AK9: variants seen among roughly 807,000 people sequenced by gnomAD.
The protein encoded by AK9 is adenylate kinase domain containing 1.
AK9 carries 191 observed loss-of-function variants against 239.6 expected under a neutral mutation model. The ratio of observed to expected loss-of-function variants is 0.80; its 90% CI spans 0.71 to 0.90. The LOEUF (loss-of-function observed/expected upper bound fraction) is 0.90. Among genes scored for constraint, AK9 ranks in the 40% least tolerant of loss-of-function variants. The probability of loss-of-function intolerance (pLI) is 0.00; values close to 1 mark genes in which losing one functional copy is unlikely to be tolerated. For synonymous variants in AK9, 689 were observed against 721.0 expected, an observed-to-expected ratio of 0.96 and a Z score of 0.71; for missense variants, 1,995 against 2,214.7, an observed-to-expected ratio of 0.90 and a Z score of 1.99.
intron 8 of AK9, among the ~76,000 whole-genome samples, chr6:109,646,600 A>C (rs1289094387): frequency 6.6e-6 from 1 of 152,250 alleles, no homozygotes; most frequent in Non-Finnish European, 1.5e-5. Flanking sequence ...GAAAAGACCA[A>C]ACCTAAGTTT....
intron 29 of AK9, among the ~76,000 whole-genome samples, chr6:109,523,592 G>C (rs969189998): frequency 1.3e-5 from 2 of 152,150 alleles, no homozygotes; most frequent in Non-Finnish European, 2.9e-5. Flanking sequence ...TTTGCCGAGA[G>C]GGCAGTTTCA....
rs1381626248 is a variant in AK9, at chr6:109,564,158, A to C, written c.2557T>G (p.Tyr853Asp). 1.9e-6 allele frequency: 3 copies of C among 1,551,344 alleles called. No homozygotes were observed. The highest frequency in any genetic ancestry group is 2.6e-6 in the Non-Finnish European group (3 of 1,146,890). The change falls in exon 23 of 41, where the codon TAC becomes GAC. Residue 853 changes from tyrosine to aspartate, a missense_variant. Physicochemically the swap from Tyr to Asp is radical, Grantham distance 160 (BLOSUM62 -3). Coordinates refer to ENST00000424296, the MANE Select transcript of AK9 (RefSeq NM_001145128.3). The stretch of plus-strand genomic sequence containing the variant: ...ATCTCCAAGTTTAAAATTTTAATGT[A>C]AGCCTCACTAATTGTTGCTTCTAGC... ...KQLEATISEA[Y>D]IKILNLEIAD...
In AK9 at chr6:109,515,925, G is replaced by A. The variant is rs550373035; in HGVS notation, c.3997C>T (p.Leu1333Phe). 12 of 1,551,808 alleles carry A rather than the reference G, an allele frequency of 7.7e-6. No homozygotes were observed. In the African/African-American group the frequency reaches 1.6e-4, roughly 21 times the overall value. ...GTAAAGGTGAGCATTTTCTGGGCAA[G>A]GGGTGCTGGTATTGGATGACATTTC... ...FEKCHPIPAP[L>F]AQKMLTFTYK... The change falls in exon 31 of 41, where the codon CTT becomes TTT. Residue 1333 changes from leucine (L) to phenylalanine (F), a missense_variant. Leu to Phe is a conservative substitution (Grantham distance 22). Transcript: ENST00000424296.
At chr6:109,648,267 C>G (rs1288091973) in intron 8 of AK9, among the ~76,000 whole-genome samples, 1 of 151,800 alleles carries the variant, frequency 6.6e-6, no homozygotes, top group Admixed American at 6.6e-5. Flanking sequence ...AATAGAGACA[C>G]AAAAAAATCC....
rs756359910 is a variant in AK9 at position 109,542,031 on chromosome 6, A to G, written c.3350+16T>C. ...TAAAAGCAAATAAATGTACAATTCTATATAAATTAAGATACCGTATTGGTT... is the reference window on the plus strand; with the variant it reads ...TAAAAGCAAATAAATGTACAATTCTGTATAAATTAAGATACCGTATTGGTT... On this transcript the variant is annotated intron_variant, in intron 27 of 40. Transcript: ENST00000424296. 1.9e-6 allele frequency: 3 copies of G among 1,540,718 alleles called. No homozygotes were observed. Among genetic ancestry groups the G allele is most frequent in the Admixed American group, 2.1e-5 (1 of 47,530 alleles).
chr6:109,545,234 A>AT (rs1783395616), intron 26 of AK9, among the ~76,000 whole-genome samples: 1 of 152,072 alleles, frequency 6.6e-6, no homozygotes, highest in Non-Finnish European at 1.5e-5. Context: ...GAGCCCAGGA[A>AT]TTTGAGACCA....
intron 6 of AK9, among the ~76,000 whole-genome samples, chr6:109,660,320 T>A (rs182241832): frequency 6.6e-6 from 1 of 152,328 alleles, no homozygotes; most frequent in Admixed American, 6.5e-5. Context: ...CATGTAACTC[T>A]ATCTGAGGAG....
chr6:109,659,165 T>A, intron 7 of AK9, 63 bp downstream of exon 7: 1 of 1,429,616 alleles, frequency 7.0e-7, no homozygotes, highest in Non-Finnish European at 9.2e-7. Context: ...TATACCATCA[T>A]TTACCTTAAT....
Position 109,634,003 on chromosome 6 carries a change from G to A in AK9, c.934-680C>T, listed in dbSNP as rs138705176. On this transcript the variant is annotated intron_variant, in intron 10 of 40. Coordinates refer to ENST00000424296, the MANE Select transcript of AK9 (RefSeq NM_001145128.3). Reference sequence around the variant, plus strand: ...TTGCTTGAAAGGTTCATCTGTCCTTGTGGTTCCTTACCAGGGGATGAGAAA... The same window carrying A: ...TTGCTTGAAAGGTTCATCTGTCCTTATGGTTCCTTACCAGGGGATGAGAAA... 5.2e-4 allele frequency among the ~76,000 whole-genome samples: 79 copies of A among 152,226 alleles called. 1 individual carries two copies. In the East Asian group the frequency reaches 0.013, roughly 25 times the overall value.
chr6:109,521,770 TA>T (rs1433152530), intron 29 of AK9, among the ~76,000 whole-genome samples: 1 of 152,078 alleles, frequency 6.6e-6, no homozygotes. Flanking sequence ...ATGTTTCTAG[TA>T]TCAAGACCAA....
At chr6:109,518,205 C>T (rs966066106) in intron 29 of AK9, among the ~76,000 whole-genome samples, 2 of 152,128 alleles carry the variant, frequency 1.3e-5, no homozygotes, top group African/African-American at 4.8e-5. Context: ...CATCAGGACC[C>T]ATTCCTGCTC....
chr6:109,689,768 G>T (rs1179516170), intron 1 of AK9, among the ~76,000 whole-genome samples: 1 of 152,184 alleles, frequency 6.6e-6, no homozygotes, highest in Non-Finnish European at 1.5e-5. Flanking sequence ...AGTTAAAATG[G>T]AAGTGCTAAA....
intron 5 of AK9, among the ~76,000 whole-genome samples, chr6:109,666,972 T>C (rs1801285901): frequency 6.6e-6 from 1 of 152,186 alleles, no homozygotes; most frequent in African/African-American, 2.4e-5. Context: ...TTTTCCAGAA[T>C]CTAGAAGCAG....
chr6:109,498,092 T>G (rs765396703), intron 36 of AK9, 127 bp from the exon 37 acceptor site: 9 of 823,576 alleles, frequency 1.1e-5, no homozygotes, highest in Non-Finnish European at 1.7e-5. Context: ...CCTCAAACTG[T>G]AAATAACCTC....
At chr6:109,527,349 C>T (rs1780653881) in intron 29 of AK9, among the ~76,000 whole-genome samples, 1 of 152,156 alleles carries the variant, frequency 6.6e-6, no homozygotes, top group African/African-American at 2.4e-5. Flanking sequence ...GCTTTCTCCG[C>T]CAGGGATTCC....
intron 32 of AK9, among the ~76,000 whole-genome samples, chr6:109,513,409 G>T (rs1451969925): frequency 6.6e-6 from 1 of 152,088 alleles, no homozygotes; most frequent in African/African-American, 2.4e-5. Flanking sequence ...CTATGGGAGA[G>T]CTTATAAAAA....
intron 5 of AK9, among the ~76,000 whole-genome samples, chr6:109,666,845 C>A (rs1801266456): frequency 6.6e-6 from 1 of 152,156 alleles, no homozygotes. Flanking sequence ...TGACCTCAGA[C>A]CAGGCTGATA....
intron 17 of AK9, among the ~76,000 whole-genome samples, chr6:109,602,144 T>TTAG (rs1271539578): frequency 2.0e-5 from 3 of 152,220 alleles, no homozygotes; most frequent in Non-Finnish European, 4.4e-5. Context: ...ATTTTGCTCA[T>TTAG]TAGTTGATAG....
At chr6:109,551,180 C>T (rs989521804) in intron 24 of AK9, among the ~76,000 whole-genome samples, 1 of 152,124 alleles carries the variant, frequency 6.6e-6, no homozygotes, top group Non-Finnish European at 1.5e-5. Context: ...AAAAATGAGA[C>T]TAACCTTTCC....
Sources: gnomAD v4.1 joint callset for allele counts (sites outside exome capture counted in the v4.1 genomes callset) on GRCh38, gnomAD v4.1.1 for gene constraint, MANE v1.5 for transcripts, NCBI Gene and HGNC (gene_info 2026-07-23, HGNC 2026-07-21) for gene names.